Variants in TENM2 observed in about 807,000 individuals in gnomAD.
TENM2 encodes the protein teneurin-2.
Under a neutral mutation model 245.2 loss-of-function variants are expected in TENM2, and 52 were observed. That is an observed-to-expected ratio of 0.21 (90% CI 0.17 to 0.27). The LOEUF (loss-of-function observed/expected upper bound fraction) is 0.27, where lower values mean the gene tolerates loss of function less well. Among genes scored for constraint, TENM2 ranks in the 10% least tolerant of loss-of-function variants. The pLI, the probability that TENM2 is intolerant of heterozygous loss-of-function variation, is 1.00. For synonymous variants in TENM2, 1,363 were observed against 1,438.9 expected, an observed-to-expected ratio of 0.95 and a Z score of 1.19; for missense variants, 3,046 against 3,666.8, an observed-to-expected ratio of 0.83 and a Z score of 4.37.
chr5:167,192,077 A>G, the TENM2 span, among the ~76,000 whole-genome samples: 6 of 152,042 alleles, frequency 3.9e-5, no homozygotes, highest in African/African-American at 1.2e-4. Context: ...TTGTATAAAT[A>G]TCATTTGAAG....
chr5:167,121,681 A>G, the TENM2 span, among the ~76,000 whole-genome samples: 1 of 152,234 alleles, frequency 6.6e-6, no homozygotes, highest in African/African-American at 2.4e-5. Flanking sequence ...TTCTTAGCAC[A>G]GTGCTTTTGA....
At position 167,791,422 on chromosome 5, in the gene TENM2, TA is replaced by T. The variant is rs1446274881; in HGVS notation, c.503-84562del. 9.9e-5 allele frequency among the ~76,000 whole-genome samples: 12 copies of T among 120,656 alleles called. No individual in the cohort carries two copies. In the South Asian group the frequency reaches 3.0e-3, roughly 30 times the overall value. 79.2% of individuals were successfully genotyped at this position (120,656 alleles called of 152,430 possible). Reference sequence around the variant, plus strand: ...TAAATTCTCATAGATATGAAATATATAATATATTATATATTTATATATAATA... The same window carrying T: ...TAAATTCTCATAGATATGAAATATATATATATTATATATTTATATATAATA... On this transcript the variant is annotated intron_variant, in intron 2 of 28. Coordinates refer to ENST00000518659, the Ensembl canonical transcript of TENM2.
the TENM2 span, among the ~76,000 whole-genome samples, chr5:167,010,613 C>T: frequency 2.0e-5 from 3 of 152,274 alleles, no homozygotes; most frequent in African/African-American, 4.8e-5. Context: ...TATTCTGCCA[C>T]GTTATGATGA....
intron 2 of TENM2, among the ~76,000 whole-genome samples, chr5:167,674,736 C>T (rs934805591): frequency 2.6e-5 from 4 of 151,986 alleles, no homozygotes; most frequent in Non-Finnish European, 4.4e-5. Flanking sequence ...GAATGTGGAT[C>T]GTGCAAGAGT....
At chr5:167,862,304 T>A (rs893110226) in intron 2 of TENM2, among the ~76,000 whole-genome samples, 4 of 152,078 alleles carry the variant, frequency 2.6e-5, no homozygotes, top group Non-Finnish European at 2.9e-5. Context: ...CACACACATA[T>A]AACAGCAACT....
At chr5:168,088,694 A>G (rs1383549462) in intron 7 of TENM2, among the ~76,000 whole-genome samples, 1 of 152,208 alleles carries the variant, frequency 6.6e-6, no homozygotes, top group Non-Finnish European at 1.5e-5. Context: ...AACCAAGAAG[A>G]AGGTAAAAGT....
chr5:167,545,946 T>C (rs1426556579), intron 2 of TENM2, among the ~76,000 whole-genome samples: 3 of 152,220 alleles, frequency 2.0e-5, no homozygotes, highest in Non-Finnish European at 4.4e-5. Context: ...TTTCAAAGTT[T>C]AGTAATAATG....
the TENM2 span, among the ~76,000 whole-genome samples, chr5:167,112,315 C>G: frequency 6.6e-6 from 1 of 152,194 alleles, no homozygotes; most frequent in African/African-American, 2.4e-5. Flanking sequence ...AGATTAATAA[C>G]TGTTTTAATT....
intron 2 of TENM2, among the ~76,000 whole-genome samples, chr5:167,751,657 T>C (rs1306487696): frequency 2.0e-5 from 3 of 152,134 alleles, no homozygotes; most frequent in African/African-American, 7.2e-5. Flanking sequence ...TTGTTTGCTG[T>C]TATTTAGATT....
At chr5:167,621,009 CA>C (rs1778131687) in intron 2 of TENM2, among the ~76,000 whole-genome samples, 1 of 152,040 alleles carries the variant, frequency 6.6e-6, no homozygotes, top group Non-Finnish European at 1.5e-5. Context: ...TTGCAGATCC[CA>C]ATATCAACAC....
At chr5:167,921,292 A>T (rs1011390520) in intron 3 of TENM2, among the ~76,000 whole-genome samples, 1 of 152,210 alleles carries the variant, frequency 6.6e-6, no homozygotes, top group African/African-American at 2.4e-5. Flanking sequence ...TGTACAGAAA[A>T]AAAGAGAGTT....
intron 1 of TENM2, among the ~76,000 whole-genome samples, chr5:167,308,943 A>G (rs913945916): frequency 6.6e-6 from 1 of 151,542 alleles, no homozygotes; most frequent in African/African-American, 2.4e-5. Flanking sequence ...CAGAATCATC[A>G]ACGCCCAACC....
intron 27 of TENM2, among the ~76,000 whole-genome samples, chr5:168,257,201 C>T (rs1483497229): frequency 6.6e-6 from 1 of 150,522 alleles, no homozygotes; most frequent in Non-Finnish European, 1.5e-5. Flanking sequence ...GGAAATGACA[C>T]AGCATGTTAG....
chr5:167,011,145 C>A, the TENM2 span, among the ~76,000 whole-genome samples: 1 of 152,164 alleles, frequency 6.6e-6, no homozygotes, highest in Non-Finnish European at 1.5e-5. Context: ...TTGGTCCTTG[C>A]AGTATCACCA....
chr5:167,126,026 T>C, the TENM2 span, among the ~76,000 whole-genome samples: 1 of 152,230 alleles, frequency 6.6e-6, no homozygotes, highest in African/African-American at 2.4e-5. Flanking sequence ...TTACTCATCC[T>C]AATCTGTATT....
chr5:167,482,539 T>G (rs1360817976), intron 2 of TENM2, among the ~76,000 whole-genome samples: 2 of 152,208 alleles, frequency 1.3e-5, no homozygotes, highest in African/African-American at 4.8e-5. Flanking sequence ...TTTCATTCCA[T>G]ATGTAATTCA....
At chr5:167,854,715 T>G (rs1770907465) in intron 2 of TENM2, among the ~76,000 whole-genome samples, 1 of 152,202 alleles carries the variant, frequency 6.6e-6, no homozygotes, top group African/African-American at 2.4e-5. Context: ...AGCAAGCACA[T>G]TGCATATATA....
chr5:167,737,253 G>A (rs1485505428), intron 2 of TENM2, among the ~76,000 whole-genome samples: 1 of 152,172 alleles, frequency 6.6e-6, no homozygotes, highest in Non-Finnish European at 1.5e-5. Context: ...CAAATGTTCT[G>A]TGGTTCATAC....
the TENM2 span, among the ~76,000 whole-genome samples, chr5:167,240,769 G>A: frequency 6.6e-6 from 1 of 152,208 alleles, no homozygotes; most frequent in Admixed American, 6.5e-5. Context: ...GCAGGAGAAA[G>A]TATGCAGTTC....
Sources: gnomAD v4.1 joint callset for allele counts (sites outside exome capture counted in the v4.1 genomes callset) on GRCh38, gnomAD v4.1.1 for gene constraint, MANE v1.5 for transcripts, NCBI Gene and HGNC (gene_info 2026-07-23, HGNC 2026-07-21) for gene names.